RAI14: variants seen among roughly 807,000 people sequenced by gnomAD.
RAI14 encodes ankycorbin.
A neutral mutation model predicts 115.4 loss-of-function variants in RAI14; 45 were observed. The observed-to-expected ratio is 0.39, with a 90% CI of 0.31 to 0.50. The LOEUF (loss-of-function observed/expected upper bound fraction) is 0.50. Among genes scored for constraint, RAI14 ranks in the 20% least tolerant of loss-of-function variants. The probability of loss-of-function intolerance (pLI) is 0.85; values close to 1 mark genes in which losing one functional copy is unlikely to be tolerated. For synonymous variants in RAI14, 371 were observed against 415.4 expected, an observed-to-expected ratio of 0.89 and a Z score of 1.30; for missense variants, 939 against 1,131.2, an observed-to-expected ratio of 0.83 and a Z score of 2.44.
rs35087500 is a variant in RAI14 at position 34,811,582 on chromosome 5, T to TAAAA, written c.558-174_558-171dup. Among the ~76,000 whole-genome samples the TAAAA allele has an allele frequency of 2.3e-4, 33 of 145,940 alleles. 1 individual carries two copies. The highest frequency in any genetic ancestry group is 3.5e-3 in the Middle Eastern group (1 of 284). The stretch of plus-strand genomic sequence containing the variant: ...TAATGTTTTGATTTAATCTGAAGTT[T>TAAAA]AAAAAAAAAAAAAACCACCTAATTT... On this transcript the variant is annotated intron_variant, in intron 8 of 17. Coordinates refer to ENST00000265109, the MANE Select transcript of RAI14 (RefSeq NM_015577.3).
At chr5:34,822,414 A>T (rs1167211732) in intron 14 of RAI14, among the ~76,000 whole-genome samples, 1 of 151,220 alleles carries the variant, frequency 6.6e-6, no homozygotes, top group East Asian at 1.9e-4. Context: ...GATATAAGAA[A>T]TAAAGGAAAT....
intron 2 of RAI14, among the ~76,000 whole-genome samples, chr5:34,725,488 T>C (rs1465188345): frequency 6.6e-6 from 1 of 151,896 alleles, no homozygotes; most frequent in South Asian, 2.1e-4. Flanking sequence ...GGGAAGACTC[T>C]CCCACCCCCT....
At chr5:34,826,055 C>T (rs1052651328) in intron 15 of RAI14, 11 of 217,636 alleles carry the variant, frequency 5.1e-5, no homozygotes, top group Non-Finnish European at 8.9e-5. Context: ...AAACCAACAT[C>T]ACAGCTTTTG....
chr5:34,824,504 G>C lies in RAI14; in HGVS notation c.2649+13G>C, dbSNP rs764257074. The C allele has an allele frequency of 7.1e-6, 11 of 1,542,432 alleles. No individual in the cohort carries two copies. Among genetic ancestry groups the C allele is most frequent in the Non-Finnish European group, 9.6e-6 (11 of 1,147,036 alleles). ...TAAAGATAAAAAGGTTGGTGAAACT[G>C]TATTGCTGTTGGGTTTCTAGCAATA... On this transcript the variant is annotated intron_variant, in intron 15 of 17. Coordinates refer to ENST00000265109, the MANE Select transcript of RAI14 (RefSeq NM_015577.3).
chr5:34,773,666 A>G (rs527521476), intron 3 of RAI14, among the ~76,000 whole-genome samples: 2 of 152,298 alleles, frequency 1.3e-5, no homozygotes, highest in African/African-American at 2.4e-5. Context: ...ACTCAACATC[A>G]CTAAGCATCA....
At chr5:34,730,160 T>C (rs1429743520) in intron 2 of RAI14, among the ~76,000 whole-genome samples, 1 of 152,216 alleles carries the variant, frequency 6.6e-6, no homozygotes, top group Non-Finnish European at 1.5e-5. Context: ...AGTATTTCCA[T>C]AATAAAAATA....
At chr5:34,777,520 C>T (rs35232705) in intron 3 of RAI14, among the ~76,000 whole-genome samples, 33,835 of 152,070 alleles carry the variant, frequency 0.22, 5,044 homozygotes, top group Non-Finnish European at 0.31. Flanking sequence ...TGGCTCACAC[C>T]TGTAATCCCA....
intron 3 of RAI14, among the ~76,000 whole-genome samples, chr5:34,762,595 G>A (rs1748793130): frequency 6.6e-6 from 1 of 152,172 alleles, no homozygotes; most frequent in Non-Finnish European, 1.5e-5. Context: ...TAAAGGAAGG[G>A]TGGTGTCTTG....
chr5:34,773,673 A>G (rs1224224526), intron 3 of RAI14, among the ~76,000 whole-genome samples: 1 of 152,200 alleles, frequency 6.6e-6, no homozygotes, highest in Non-Finnish European at 1.5e-5. Context: ...ATCACTAAGC[A>G]TCAGGGAAAT....
chr5:34,771,890 T>A (rs1037778572), intron 3 of RAI14, among the ~76,000 whole-genome samples: 7 of 152,066 alleles, frequency 4.6e-5, no homozygotes, highest in African/African-American at 1.7e-4. Flanking sequence ...TTACATAGGG[T>A]GTCACTGTTT....
intron 4 of RAI14, among the ~76,000 whole-genome samples, chr5:34,797,205 CT>C: frequency 6.6e-6 from 1 of 152,262 alleles, no homozygotes; most frequent in South Asian, 2.1e-4. Context: ...CAAAATTAGC[CT>C]AACTCCATTG....
intron 2 of RAI14, among the ~76,000 whole-genome samples, chr5:34,708,377 T>C (rs966040754): frequency 1.3e-5 from 2 of 152,126 alleles, no homozygotes; most frequent in African/African-American, 4.8e-5. Context: ...TAATTTTCTA[T>C]TTTTAGTAGA....
At chr5:34,720,472 G>A (rs1742547352) in intron 2 of RAI14, among the ~76,000 whole-genome samples, 2 of 137,044 alleles carry the variant, frequency 1.5e-5, no homozygotes, top group Non-Finnish European at 1.5e-5. Context: ...GTGCAGTGGC[G>A]CAATCTCGGC....
chr5:34,745,161 A>C (rs1446421791), intron 2 of RAI14, among the ~76,000 whole-genome samples: 1 of 152,216 alleles, frequency 6.6e-6, no homozygotes, highest in Non-Finnish European at 1.5e-5. Flanking sequence ...TTCTGGGGAC[A>C]CTGTTCAACC....
Position 34,823,593 on chromosome 5 carries a change from G to T in RAI14, c.1751G>T (p.Cys584Phe). The change falls in exon 15 of 18, where the codon TGC becomes TTC. Residue 584 changes from cysteine to phenylalanine, a missense_variant. Transcript: ENST00000265109. The surrounding 1 kb of genome is among the most constrained non-coding windows in gnomAD (Gnocchi z 4.5). Reference protein sequence around the residue: ...EEYEEMKSSYCSVIENMNKEK... With the variant: ...EEYEEMKSSYFSVIENMNKEK... ...TACGAGGAAATGAAAAGTTCATATT[G>T]CTCTGTTATTGAGAATATGAATAAG... The T allele has an allele frequency of 1.2e-6, 2 of 1,614,186 alleles. No individual in the cohort carries two copies. The highest frequency in any genetic ancestry group is 1.7e-6 in the Non-Finnish European group (2 of 1,180,036).
At chr5:34,693,149 G>C (rs575420581) in intron 2 of RAI14, among the ~76,000 whole-genome samples, 1 of 152,246 alleles carries the variant, frequency 6.6e-6, no homozygotes, top group South Asian at 2.1e-4. Flanking sequence ...GATTACCTCT[G>C]TGAAAACCCT....
chr5:34,775,369 G>A (rs1750708708), intron 3 of RAI14, among the ~76,000 whole-genome samples: 1 of 152,050 alleles, frequency 6.6e-6, no homozygotes, highest in South Asian at 2.1e-4. Flanking sequence ...ATCTGACAAG[G>A]GATTAACAAC....
intron 2 of RAI14, among the ~76,000 whole-genome samples, chr5:34,716,552 A>G (rs1742024571): frequency 6.6e-6 from 1 of 151,964 alleles, no homozygotes; most frequent in South Asian, 2.1e-4. Context: ...AGCTGAGCCT[A>G]CAGGTGCGTG....
intron 3 of RAI14, among the ~76,000 whole-genome samples, chr5:34,783,596 A>G (rs1022872115): frequency 4.6e-5 from 7 of 152,176 alleles, no homozygotes; most frequent in African/African-American, 1.7e-4. Flanking sequence ...TGCTGACAGC[A>G]TCTGGCCTTT....
Sources: allele counts gnomAD v4.1 joint callset (sites outside exome capture counted in the v4.1 genomes callset), GRCh38; gene constraint gnomAD v4.1.1; non-coding constraint Gnocchi (gnomAD v3.1); transcripts MANE v1.5; gene names NCBI Gene and HGNC (gene_info 2026-07-23, HGNC 2026-07-21).